The following FANCI variants were observed in gnomAD, a reference collection of about 807,000 sequenced individuals.
FANCI encodes the protein Fanconi anemia group I protein.
A neutral mutation model predicts 176.1 loss-of-function variants in FANCI; 156 were observed. That is an observed-to-expected ratio of 0.89 (90% CI 0.78 to 1.01). FANCI has a LOEUF of 1.01. FANCI is among the 50% of genes least tolerant of loss of function. FANCI has a pLI of 0.00. For missense variants in FANCI, 1,678 were observed against 1,534.1 expected (o/e 1.09, Z -1.57); for synonymous variants, 613 against 541.7 (o/e 1.13, Z -1.83).
intron 1 of FANCI, 74 bp from the exon 2 acceptor site, chr15:89,247,555 A>G (rs2052043886): frequency 2.9e-6 from 3 of 1,040,660 alleles, no homozygotes; most frequent in Non-Finnish European, 4.6e-6. Flanking sequence ...ATATTCAGTT[A>G]ACAGGGAAGG....
rs1279852859 is a variant in FANCI, at chr15:89,293,067, A to C, written c.2291+4A>C. On this transcript the variant is annotated splice_donor_region_variant and intron_variant, in intron 22 of 37. Coordinates refer to ENST00000310775, the MANE Select transcript of FANCI (RefSeq NM_001113378.2). The stretch of plus-strand genomic sequence containing the variant: ...ATTTCTCCATAAGTAGTTTCAGGTA[A>C]GGTTTTGCTATAACTCCATTTGTAA... The C allele has an allele frequency of 1.9e-6, 3 of 1,612,848 alleles. No individual in the cohort carries two copies. In the South Asian group the frequency reaches 3.3e-5, roughly 18 times the overall value.
At chr15:89,268,600 G>T in intron 10 of FANCI, 75 bp downstream of exon 10, 1 of 1,545,154 alleles carries the variant, frequency 6.5e-7, no homozygotes, top group Non-Finnish European at 8.9e-7. Context: ...TGTTATGCCA[G>T]TTAATGACAG....
At chr15:89,305,063 A>T (rs2054665476) in intron 28 of FANCI, 52 bp from the exon 29 acceptor site, 2 of 1,607,310 alleles carry the variant, frequency 1.2e-6, no homozygotes, top group Non-Finnish European at 1.7e-6. Flanking sequence ...GGCGTGAGCC[A>T]CTGCACTTGG....
At position 89,288,801 on chromosome 15, in the gene FANCI, G is replaced by GT. The variant is rs1223076648; in HGVS notation, c.1822-1401dup. Among the ~76,000 whole-genome samples, 827 of 142,780 alleles carry GT rather than the reference G, an allele frequency of 5.8e-3. 8 individuals are homozygous for GT. The highest frequency in any genetic ancestry group is 0.019 in the African/African-American group (742 of 39,206). 93.7% of individuals were successfully genotyped at this position (142,780 alleles called of 152,430 possible). On this transcript the variant is annotated intron_variant, in intron 18 of 37. Transcript: ENST00000310775. ...CTGCACCCAGCTAATTTTTCTGTTT[G>GT]TTTTTTTTTTTAACCTTTTGTAGAG...
chr15:89,257,541 T>C (rs867677280), intron 2 of FANCI, among the ~76,000 whole-genome samples: 1 of 152,168 alleles, frequency 6.6e-6, no homozygotes, highest in South Asian at 2.1e-4. Flanking sequence ...GATATCTGCT[T>C]TCATCTTCAC....
chr15:89,263,608 C>G, intron 7 of FANCI, 148 bp downstream of exon 7: 1 of 809,660 alleles, frequency 1.2e-6, no homozygotes, highest in South Asian at 1.6e-5. Flanking sequence ...CACAGATTCC[C>G]TCCTCACTCC....
At chr15:89,310,519 C>T (rs2054913103) in intron 34 of FANCI, among the ~76,000 whole-genome samples, 1 of 152,208 alleles carries the variant, frequency 6.6e-6, no homozygotes, top group South Asian at 2.1e-4. Flanking sequence ...CATTTTCCTC[C>T]TCCTCCATCC....
In FANCI at chr15:89,312,911, G is replaced by A. The variant is rs751065766; in HGVS notation, c.3659G>A (p.Ser1220Asn). 3 of 1,613,266 alleles carry A rather than the reference G, an allele frequency of 1.9e-6. No homozygotes were observed. Among genetic ancestry groups the A allele is most frequent in the Middle Eastern group, 1.7e-4 (1 of 6,058 alleles). Reference sequence around the variant, plus strand: ...GTGTTTCTATTTCTTTAGAATAAGAGTAAGAGCCTGAACTATACGGGAGAG... The same window carrying A: ...GTGTTTCTATTTCTTTAGAATAAGAATAAGAGCCTGAACTATACGGGAGAG... ...YSFISYVQNK[S>N]KSLNYTGEKK... Residue 1220 changes from serine (S) to asparagine (N), a missense_variant, in exon 35 of 38, where the codon AGT becomes AAT. Around this residue, in one of 3 missense-constraint regions of FANCI, gnomAD observed 1,204 missense variants for 1,077.4 expected, o/e 1.12. Transcript: ENST00000310775.
At position 89,314,514 on chromosome 15, in the gene FANCI, T is replaced by C; in HGVS notation, c.3721-98T>C. The C allele has an allele frequency of 1.4e-5, 13 of 899,680 alleles. No homozygotes were observed. The South Asian group carries it at 1.8e-4, about 12-fold the overall frequency. 55.7% of individuals were successfully genotyped at this position (899,680 alleles called of 1,614,324 possible). A position where few individuals can be genotyped will look rare whatever the true frequency, so the allele number is the denominator to read the frequency against. ...CATTTGATTGGGAGACAGACTAGTT[T>C]TCCCCTAAAGCCATACAGTTTTGTA... is the stretch of plus-strand genomic sequence containing the variant. On this transcript the variant is annotated intron_variant, in intron 35 of 37. Coordinates refer to ENST00000310775, the MANE Select transcript of FANCI (RefSeq NM_001113378.2).
At chr15:89,290,032 G>C (rs2053999225) in intron 18 of FANCI, among the ~76,000 whole-genome samples, 181 bp from the exon 19 acceptor site, 1 of 152,116 alleles carries the variant, frequency 6.6e-6, no homozygotes, top group Admixed American at 6.5e-5. Context: ...ACTAAGACTA[G>C]GACATTTTGG....
chr15:89,310,123 C>A (rs781101691), intron 34 of FANCI, among the ~76,000 whole-genome samples: 1 of 152,138 alleles, frequency 6.6e-6, no homozygotes, highest in Non-Finnish European at 1.5e-5. Context: ...TAGTTAGACT[C>A]GATAGCAGGA....
chr15:89,264,759 G>A, intron 9 of FANCI, 152 bp downstream of exon 9: 1 of 618,798 alleles, frequency 1.6e-6, no homozygotes. Context: ...GTAATAAAGA[G>A]AATAACATGA....
intron 2 of FANCI, 24 bp from the exon 3 acceptor site, chr15:89,258,680 T>C (rs933586930): frequency 8.5e-5 from 135 of 1,595,966 alleles, no homozygotes; most frequent in Non-Finnish European, 1.2e-4. Context: ...TGCCAGAGAC[T>C]TGTACCTTTT....
At chr15:89,293,372 C>T (rs2151732095) in intron 22 of FANCI, among the ~76,000 whole-genome samples, 1 of 152,250 alleles carries the variant, frequency 6.6e-6, no homozygotes, top group East Asian at 1.9e-4. Flanking sequence ...GACTTTAATA[C>T]TCTGCAGGGA....
Position 89,247,659 on chromosome 15 carries a change from G to T in FANCI, c.12G>T (p.Lys4Asn), listed in dbSNP as rs1222824065. The T allele has an allele frequency of 6.2e-7, 1 of 1,614,004 alleles. No homozygotes were observed. Among genetic ancestry groups the T allele is most frequent in the Admixed American group, 1.7e-5 (1 of 60,022 alleles). The change falls in exon 2 of 38, where the codon AAG becomes AAT. Residue 4 changes from lysine to asparagine, a missense_variant. Lys to Asn is a moderately conservative substitution (Grantham distance 94). Coordinates refer to ENST00000310775, the MANE Select transcript of FANCI (RefSeq NM_001113378.2). MDQKILSLAAEKTA... is the reference protein window; with the variant it reads MDQNILSLAAEKTA... The stretch of plus-strand genomic sequence containing the variant: ...TGATATGAGCAACAATGGACCAGAA[G>T]ATTTTATCTCTAGCAGCAGAAAAAA...
chr15:89,245,322 T>C (rs542734375), intron 1 of FANCI: 1 of 140,246 alleles, frequency 7.1e-6, no homozygotes, highest in African/African-American at 2.6e-5. Flanking sequence ...GTGCGTGCCG[T>C]CACGCCCAGC....
At chr15:89,252,648 G>A (rs2052310246) in intron 2 of FANCI, among the ~76,000 whole-genome samples, 1 of 152,048 alleles carries the variant, frequency 6.6e-6, no homozygotes, top group South Asian at 2.1e-4. Flanking sequence ...GCTGAGGCAG[G>A]AGAATTGCTT....
At chr15:89,257,369 TAGC>T (rs1245847227) in intron 2 of FANCI, among the ~76,000 whole-genome samples, 7 of 152,312 alleles carry the variant, frequency 4.6e-5, no homozygotes, top group Non-Finnish European at 8.8e-5. Flanking sequence ...GTAGCTTAAA[TAGC>T]AGCAATGTAA....
chr15:89,316,875 CTG>C lies in FANCI; in HGVS notation c.*417_*418del. 2 of 1,365,360 alleles carry C rather than the reference CTG, an allele frequency of 1.5e-6. No homozygotes were observed. The highest frequency in any genetic ancestry group is 2.1e-6 in the Non-Finnish European group (2 of 952,852). The allele number at this position is 1,365,360 out of a possible 1,614,324, so 84.6% of individuals were successfully genotyped here. A position where few individuals can be genotyped will look rare whatever the true frequency, so the allele number is the denominator to read the frequency against. On this transcript the variant is annotated 3_prime_UTR_variant, in exon 38 of 38. Transcript: ENST00000310775. Reference sequence around the variant, plus strand: ...TAGGATGCCACCTCAAGAACTGTAACTGAGAGCTCAGAAGTGAGCAAAGGAGC... The same window carrying C: ...TAGGATGCCACCTCAAGAACTGTAACAGAGCTCAGAAGTGAGCAAAGGAGC...
Sources: gnomAD v4.1 joint callset for allele counts (sites outside exome capture counted in the v4.1 genomes callset) on GRCh38, gnomAD v4.1.1 for gene constraint, gnomAD v4.1.1 regional missense constraint, MANE v1.5 for transcripts, NCBI Gene and HGNC (gene_info 2026-07-23, HGNC 2026-07-21) for gene names.